The following LINGO2 variants were observed in gnomAD, a reference collection of about 807,000 sequenced individuals.
LINGO2 encodes leucine rich repeat and Ig domain containing 2.
Under a neutral mutation model 30.6 loss-of-function variants are expected in LINGO2, and 14 were observed. The observed-to-expected ratio is 0.46, with a 90% confidence interval of 0.30 to 0.72. The LOEUF (loss-of-function observed/expected upper bound fraction) is 0.72, where lower values mean the gene tolerates loss of function less well. LINGO2 is among the 30% of genes least tolerant of loss of function. LINGO2 has a pLI of 0.07. For synonymous variants in LINGO2, 317 were observed against 288.5 expected, an observed-to-expected ratio of 1.10 and a Z score of -1.00; for missense variants, 729 against 751.7, an observed-to-expected ratio of 0.97 and a Z score of 0.35.
chr9:28,833,932 T>G, the LINGO2 span, among the ~76,000 whole-genome samples: 2 of 152,176 alleles, frequency 1.3e-5, no homozygotes, highest in African/African-American at 4.8e-5. Context: ...ATCGCACTCA[T>G]AGATTGCATG....
At chr9:28,142,460 T>A (rs902356962) in intron 4 of LINGO2, among the ~76,000 whole-genome samples, 16 of 152,216 alleles carry the variant, frequency 1.1e-4, no homozygotes, top group African/African-American at 3.4e-4. Flanking sequence ...ATAGGATTTT[T>A]TGTTGTTGTT....
chr9:28,174,761 T>C (rs1828696208), intron 4 of LINGO2, among the ~76,000 whole-genome samples: 1 of 152,204 alleles, frequency 6.6e-6, no homozygotes, highest in South Asian at 2.1e-4. Flanking sequence ...GGGAACCATA[T>C]ATATTATACA....
the LINGO2 span, among the ~76,000 whole-genome samples, chr9:29,098,808 C>T: frequency 6.6e-6 from 1 of 151,990 alleles, no homozygotes; most frequent in South Asian, 2.1e-4. Context: ...TCTATGGTTT[C>T]CGTGTTAAAG....
At chr9:28,551,325 C>T (rs1822267712) in intron 1 of LINGO2, among the ~76,000 whole-genome samples, 2 of 151,704 alleles carry the variant, frequency 1.3e-5, no homozygotes, top group African/African-American at 4.8e-5. Context: ...ATCCATCAAT[C>T]TCTCTGTGAA....
intron 4 of LINGO2, among the ~76,000 whole-genome samples, chr9:28,044,143 T>G (rs1824312525): frequency 6.6e-6 from 1 of 152,148 alleles, no homozygotes; most frequent in Non-Finnish European, 1.5e-5. Flanking sequence ...GCTTAAATCT[T>G]GGGCATGATG....
chr9:28,055,628 A>G (rs1824895434), intron 4 of LINGO2, among the ~76,000 whole-genome samples: 1 of 152,154 alleles, frequency 6.6e-6, no homozygotes, highest in African/African-American at 2.4e-5. Context: ...GCTTACATAA[A>G]AACGGCGTCT....
At chr9:28,916,424 C>T in the LINGO2 span, among the ~76,000 whole-genome samples, 7 of 152,120 alleles carry the variant, frequency 4.6e-5, no homozygotes, top group Admixed American at 3.3e-4. Context: ...TCTCTGAAGC[C>T]GGCTACCTGG....
chr9:28,070,978 G>A (rs1294780423), intron 4 of LINGO2, among the ~76,000 whole-genome samples: 15 of 152,158 alleles, frequency 9.9e-5, no homozygotes, highest in Admixed American at 9.8e-4. Context: ...GCCTCCCAAA[G>A]TGCTAGCATT....
intron 5 of LINGO2, among the ~76,000 whole-genome samples, chr9:27,958,739 A>AG (rs1819697858): frequency 2.0e-5 from 3 of 151,778 alleles, no homozygotes; most frequent in South Asian, 4.1e-4. Flanking sequence ...GGCATCCACC[A>AG]GGGAACTTGG....
intron 2 of LINGO2, among the ~76,000 whole-genome samples, chr9:28,464,218 T>C (rs192615736): frequency 1.3e-5 from 2 of 152,282 alleles, no homozygotes; most frequent in Admixed American, 1.3e-4. Flanking sequence ...AGCTACAGAG[T>C]GATTGGCATA....
intron 4 of LINGO2, among the ~76,000 whole-genome samples, chr9:28,233,061 T>TATATATATATATATATATATATAAAA (rs60875467): frequency 8.4e-6 from 1 of 118,830 alleles, no homozygotes; most frequent in African/African-American, 3.6e-5. Context: ...TATATATATA[T>TATATATATATATATATATATATAAAA]TAGATATATA....
At chr9:28,771,039 C>A in the LINGO2 span, among the ~76,000 whole-genome samples, 3 of 152,188 alleles carry the variant, frequency 2.0e-5, no homozygotes, top group Non-Finnish European at 2.9e-5. Flanking sequence ...TCAACCTTAT[C>A]TTATCCCCAA....
chr9:28,203,168 G>A (rs1053362987), intron 4 of LINGO2, among the ~76,000 whole-genome samples: 2 of 152,292 alleles, frequency 1.3e-5, no homozygotes, highest in Middle Eastern at 3.4e-3. Context: ...AACATTAAGT[G>A]TTCACCGAAA....
intron 4 of LINGO2, among the ~76,000 whole-genome samples, chr9:28,074,994 T>C (rs1307464951): frequency 1.3e-5 from 2 of 151,258 alleles, no homozygotes; most frequent in East Asian, 1.9e-4. Context: ...ATATAAAATA[T>C]ATGAAAAATG....
chr9:28,826,715 A>G, the LINGO2 span, among the ~76,000 whole-genome samples: 1 of 152,208 alleles, frequency 6.6e-6, no homozygotes, highest in East Asian at 1.9e-4. Flanking sequence ...ATAAGACAAC[A>G]AAGTCTGTTA....
At chr9:28,880,548 G>A in the LINGO2 span, among the ~76,000 whole-genome samples, 3 of 151,900 alleles carry the variant, frequency 2.0e-5, no homozygotes, top group East Asian at 1.9e-4. Flanking sequence ...CCTTGAAAGC[G>A]GGGTATTGTC....
At chr9:28,773,498 G>T in the LINGO2 span, among the ~76,000 whole-genome samples, 1 of 152,034 alleles carries the variant, frequency 6.6e-6, no homozygotes, top group Non-Finnish European at 1.5e-5. Context: ...TGATGATGAT[G>T]ATTCTGCTAC....
the LINGO2 span, among the ~76,000 whole-genome samples, chr9:29,111,938 A>ATATATTTATATATGTGTGTATATATAC: frequency 1.5e-5 from 1 of 66,782 alleles, no homozygotes; most frequent in African/African-American, 6.0e-5. Context: ...TGTATATATA[A>ATATATTTATATATGTGTGTATATATAC]TGTATTTAAT....
At chr9:29,116,091 A>T in the LINGO2 span, among the ~76,000 whole-genome samples, 1 of 151,898 alleles carries the variant, frequency 6.6e-6, no homozygotes, top group Non-Finnish European at 1.5e-5. Flanking sequence ...AAGCTGGGCT[A>T]TAACGAATGA....
Sources: allele counts gnomAD v4.1 joint callset (sites outside exome capture counted in the v4.1 genomes callset), GRCh38; gene constraint gnomAD v4.1.1; transcripts MANE v1.5; gene names NCBI Gene and HGNC (gene_info 2026-07-23, HGNC 2026-07-21).